PAH: variants seen among roughly 807,000 people sequenced by gnomAD.
PAH encodes the protein phenylalanine hydroxylase, also known as phenylalanine-4-hydroxylase.
In PAH, 64 loss-of-function variants were observed where a neutral mutation model predicts 62.0. That is an observed-to-expected ratio of 1.03 (90% confidence interval 0.84 to 1.27). The LOEUF is 1.27. PAH is among the 50% of genes most tolerant of loss of function. PAH has a pLI of 0.00. For missense variants in PAH, 579 were observed against 542.8 expected (o/e 1.07, Z -0.66); for synonymous variants, 195 against 196.2 (o/e 0.99, Z 0.05).
chr12:102,957,953 C>A lies in PAH; in HGVS notation c.-96+242G>T, dbSNP rs1204036409. 3 of 309,214 alleles carry A rather than the reference C, an allele frequency of 9.7e-6. No individual in the cohort carries two copies. The highest frequency in any genetic ancestry group is 5.0e-5 in the Admixed American group (1 of 19,820). The allele number at this position is 309,214 out of a possible 1,614,324, so 19.2% of individuals were successfully genotyped here. On this transcript the variant is annotated intron_variant, in intron 1 of 4. Coordinates refer to the PAH transcript ENST00000551337. The surrounding 1 kb of genome is among the most constrained non-coding windows in gnomAD (Gnocchi z 4.1). ...AGAAGGCGCCAGCGGCAGCCTCACA[C>A]GCGAGCGCCACGCGAGGCTCCCGAA...
chr12:102,845,858 C>T lies in PAH; in HGVS notation c.969+1037G>A, dbSNP rs536885989. 2.2e-3 allele frequency among the ~76,000 whole-genome samples: 332 copies of T among 152,254 alleles called. 2 individuals are homozygous for T. Among genetic ancestry groups the T allele is most frequent in the African/African-American group, 7.4e-3 (307 of 41,562 alleles). On this transcript the variant is annotated intron_variant, in intron 9 of 12. Coordinates refer to ENST00000553106, the MANE Select transcript of PAH (RefSeq NM_000277.3). ...AACCAATCAGTAACATTTTTTCAATCAGTAACAATTTTTTAGAAAAGTCGC... is the reference window on the plus strand; with the variant it reads ...AACCAATCAGTAACATTTTTTCAATTAGTAACAATTTTTTAGAAAAGTCGC...
At chr12:102,849,379 T>G (rs1043077557) in intron 8 of PAH, among the ~76,000 whole-genome samples, 6 of 152,026 alleles carry the variant, frequency 3.9e-5, no homozygotes, top group African/African-American at 1.5e-4. Context: ...GGGGAGATGT[T>G]GAATAGGCAA....
chr12:102,912,533 A>G (rs1878240826), intron 2 of PAH, among the ~76,000 whole-genome samples: 1 of 152,174 alleles, frequency 6.6e-6, no homozygotes, highest in South Asian at 2.1e-4. Context: ...ATTTTACAAA[A>G]CACATTATTT....
At chr12:102,886,050 T>C (rs563651415) in intron 3 of PAH, 1 of 152,404 alleles carries the variant, frequency 6.6e-6, no homozygotes, top group Non-Finnish European at 1.5e-5. Context: ...AGGAAGACTT[T>C]TGAGGGTTTT....
At chr12:102,849,584 C>T (rs979263190) in intron 8 of PAH, among the ~76,000 whole-genome samples, 3 of 152,190 alleles carry the variant, frequency 2.0e-5, no homozygotes, top group Non-Finnish European at 4.4e-5. Context: ...CTCTATATCA[C>T]TCCCTGGGCC....
chr12:102,918,049 G>C (rs997585776), upstream of PAH, among the ~76,000 whole-genome samples: 4 of 152,174 alleles, frequency 2.6e-5, no homozygotes, highest in African/African-American at 9.7e-5. Flanking sequence ...TGCCTCCCCA[G>C]CTATGCTGCC....
intron 1 of PAH, chr12:102,913,752 A>G (rs547400268): frequency 5.8e-6 from 4 of 695,246 alleles, no homozygotes; most frequent in Non-Finnish European, 1.0e-5. Flanking sequence ...TCAGAAAATA[A>G]ACTTAGTCTT....
intron 5 of PAH, among the ~76,000 whole-genome samples, chr12:102,863,319 A>G (rs927810641): frequency 2.0e-5 from 3 of 152,174 alleles, no homozygotes; most frequent in Non-Finnish European, 4.4e-5. Flanking sequence ...AAATGGTAAC[A>G]TCCTGAGCAC....
intron 8 of PAH, among the ~76,000 whole-genome samples, chr12:102,848,258 A>G (rs188756986): frequency 1.2e-3 from 184 of 151,842 alleles, no homozygotes; most frequent in African/African-American, 4.3e-3. Context: ...GAAGGGGTTG[A>G]GGATAGACAG....
chr12:102,875,885 CACAA>C (rs113200506), intron 4 of PAH, among the ~76,000 whole-genome samples: 6,658 of 151,622 alleles, frequency 0.044, 424 homozygotes, highest in African/African-American at 0.14. Context: ...AGTTAATACA[CACAA>C]ACACACACAC....
intron 4 of PAH, among the ~76,000 whole-genome samples, chr12:102,875,400 G>A (rs968548924): frequency 7.2e-5 from 11 of 152,224 alleles, no homozygotes; most frequent in Admixed American, 5.2e-4. Context: ...CCGGTTTGGG[G>A]CAGGAAGACA....
chr12:102,881,841 C>T (rs536458717), intron 3 of PAH, among the ~76,000 whole-genome samples: 3 of 152,114 alleles, frequency 2.0e-5, no homozygotes, highest in East Asian at 1.9e-4. Flanking sequence ...AGGAGGGTAT[C>T]GCATTTTCTT....
At position 102,894,861 on chromosome 12, in the gene PAH, C is replaced by G. The variant is rs762949770; in HGVS notation, c.226G>C (p.Glu76Gln). 1 of 1,613,800 alleles carries G rather than the reference C, an allele frequency of 6.2e-7. No individual in the cohort carries two copies. The highest frequency in any genetic ancestry group is 8.5e-7 in the Non-Finnish European group (1 of 1,179,786). ...ESRPSRLKKD[E>Q]YEFFTHLDKR... ...TCCAAATGGGTGAAAAATTCATACT[C>G]ATCTTTCTTTAAACGAGAAGGTCTA... is the stretch of plus-strand genomic sequence containing the variant. The change falls in exon 3 of 13, where the codon GAG (glutamate) becomes CAG (glutamine). Residue 76 changes from glutamate (E) to glutamine (Q), a missense_variant. Physicochemically the swap from Glu to Gln is conservative, Grantham distance 29 (BLOSUM62 2). Coordinates refer to ENST00000553106, the MANE Select transcript of PAH (RefSeq NM_000277.3).
At chr12:102,848,438 A>C (rs1592950347) in intron 8 of PAH, among the ~76,000 whole-genome samples, 1 of 141,908 alleles carries the variant, frequency 7.0e-6, no homozygotes, top group South Asian at 2.3e-4. Flanking sequence ...GGTTGAGGAT[A>C]GACAGGACAC....
chr12:102,903,291 G>A (rs1877835281), intron 2 of PAH, among the ~76,000 whole-genome samples: 2 of 151,990 alleles, frequency 1.3e-5, no homozygotes, highest in Non-Finnish European at 2.9e-5. Context: ...AACCAGGGAG[G>A]TGGAGGTTGA....
chr12:102,860,903 C>T (rs1426921080), intron 5 of PAH, among the ~76,000 whole-genome samples: 1 of 152,152 alleles, frequency 6.6e-6, no homozygotes, highest in Non-Finnish European at 1.5e-5. Flanking sequence ...TTAGGTAATA[C>T]CATTCAGGAC....
At chr12:102,882,055 G>A (rs1876831779) in intron 3 of PAH, among the ~76,000 whole-genome samples, 3 of 152,296 alleles carry the variant, frequency 2.0e-5, no homozygotes, top group Non-Finnish European at 4.4e-5. Flanking sequence ...CATAATGGCT[G>A]TGCCAACTGA....
intron 9 of PAH, among the ~76,000 whole-genome samples, chr12:102,844,939 C>G (rs1460428378): frequency 6.6e-6 from 1 of 152,164 alleles, no homozygotes; most frequent in African/African-American, 2.4e-5. Flanking sequence ...GACCTCTCAG[C>G]CTTGATAACT....
At chr12:102,845,444 G>A (rs1874795550) in intron 9 of PAH, among the ~76,000 whole-genome samples, 2 of 152,194 alleles carry the variant, frequency 1.3e-5, no homozygotes, top group South Asian at 4.1e-4. Flanking sequence ...TGAGGAGAAT[G>A]TCCCATCATC....
Sources: allele counts gnomAD v4.1 joint callset (sites outside exome capture counted in the v4.1 genomes callset), GRCh38; gene constraint gnomAD v4.1.1; non-coding constraint Gnocchi (gnomAD v3.1); transcripts MANE v1.5; gene names NCBI Gene and HGNC (gene_info 2026-07-23, HGNC 2026-07-21).